Variants in CDH13 observed in about 807,000 individuals in gnomAD.
CDH13 encodes the protein cadherin-13.
CDH13 carries 24 observed loss-of-function variants against 63.8 expected under a neutral mutation model. That is an observed-to-expected ratio of 0.38 (90% confidence interval 0.27 to 0.53). The LOEUF (loss-of-function observed/expected upper bound fraction) is 0.53, where lower values mean the gene tolerates loss of function less well. Ranked by LOEUF, CDH13 falls within the 20% of genes least tolerant of loss-of-function variation. CDH13 has a pLI of 0.85. For missense variants in CDH13, 1,049 were observed against 903.1 expected (o/e 1.16, Z -2.07); for synonymous variants, 503 against 355.3 (o/e 1.42, Z -4.67).
intron 3 of CDH13, among the ~76,000 whole-genome samples, chr16:83,096,738 C>A (rs541230162): frequency 6.6e-6 from 1 of 152,128 alleles, no homozygotes; most frequent in East Asian, 1.9e-4. Flanking sequence ...ACAATACTGT[C>A]GTAATTATGT....
intron 2 of CDH13, among the ~76,000 whole-genome samples, chr16:83,014,764 A>ATTTG (rs1567745636): frequency 5.9e-5 from 3 of 51,154 alleles, no homozygotes; most frequent in South Asian, 5.7e-4. Context: ...ATATATATAT[A>ATTTG]TATATATATA....
intron 1 of CDH13, chr16:82,705,077 A>G (rs548300732): frequency 1.4e-4 from 64 of 454,848 alleles, no homozygotes; most frequent in Non-Finnish European, 2.4e-4. Context: ...AGTGAGGCCT[A>G]CCATATACCT....
intron 2 of CDH13, among the ~76,000 whole-genome samples, chr16:82,961,493 T>C (rs1253714840): frequency 6.6e-6 from 1 of 150,444 alleles, no homozygotes; most frequent in African/African-American, 2.5e-5. Context: ...CTTCCTGCAA[T>C]TGAACAAACT....
intron 11 of CDH13, among the ~76,000 whole-genome samples, chr16:83,762,556 G>T (rs1253937292): frequency 6.6e-6 from 1 of 152,182 alleles, no homozygotes; most frequent in Non-Finnish European, 1.5e-5. Flanking sequence ...TCACCAGAAA[G>T]GTCAAATGTT....
chr16:83,705,787 T>C (rs986505302), intron 10 of CDH13, among the ~76,000 whole-genome samples: 7 of 152,318 alleles, frequency 4.6e-5, no homozygotes, highest in Non-Finnish European at 8.8e-5. Context: ...CATCTGACTC[T>C]CAGGAGAAGA....
In CDH13 at chr16:83,646,712, A is replaced by AAAAAAAACAC. The variant is rs1168012793; in HGVS notation, c.1102-24077_1102-24076insAAAAAACACA. On this transcript the variant is annotated intron_variant, in intron 8 of 13. Transcript: ENST00000567109. ...CGTCTCAAAAAAAAAAAAAAAAAAA[A>AAAAAAAACAC]ACACACACACACACACACACACACA... Among the ~76,000 whole-genome samples, 59 of 80,518 alleles carry AAAAAAAACAC rather than the reference A, an allele frequency of 7.3e-4. 4 individuals carry two copies. Among genetic ancestry groups the AAAAAAAACAC allele is most frequent in the East Asian group, 5.0e-3 (11 of 2,190 alleles). The allele number at this position is 80,518 out of a possible 152,430, so 52.8% of individuals were successfully genotyped here. A position where few individuals can be genotyped will look rare whatever the true frequency, so the allele number is the denominator to read the frequency against.
chr16:83,086,023 G>C (rs2033571806), intron 3 of CDH13, among the ~76,000 whole-genome samples: 1 of 152,198 alleles, frequency 6.6e-6, no homozygotes, highest in Non-Finnish European at 1.5e-5. Flanking sequence ...CTACAGCTAA[G>C]GCAGGTGTAC....
At chr16:82,675,510 A>G (rs545448654) in intron 1 of CDH13, among the ~76,000 whole-genome samples, 2 of 152,320 alleles carry the variant, frequency 1.3e-5, no homozygotes, top group South Asian at 4.1e-4. Context: ...TAGGAAAAGA[A>G]TTTGACTCCT....
intron 1 of CDH13, among the ~76,000 whole-genome samples, chr16:82,649,658 C>T (rs900197597): frequency 6.6e-6 from 1 of 151,712 alleles, no homozygotes; most frequent in Non-Finnish European, 1.5e-5. Context: ...GGAAGAGATC[C>T]AACAATAGGA....
At position 83,566,143 on chromosome 16, in the gene CDH13, C is replaced by G. The variant is rs185371923; in HGVS notation, c.961-36311C>G. Among the ~76,000 whole-genome samples, 3 of 152,158 alleles carry G rather than the reference C, an allele frequency of 2.0e-5. No homozygotes were observed. The South Asian group carries it at 6.2e-4, about 32-fold the overall frequency. ...TATGTTGGGCTCTAAATTGGCCTGA[C>G]AGTACCACAGTCCTCTTCCAATTTC... On this transcript the variant is annotated intron_variant, in intron 7 of 13. Transcript: ENST00000567109.
chr16:83,570,972 A>ATATATATATATATATATAT (rs57638289), intron 7 of CDH13, among the ~76,000 whole-genome samples: 31 of 109,552 alleles, frequency 2.8e-4, no homozygotes, highest in Admixed American at 1.6e-3. Context: ...TATATATATA[A>ATATATATATATATATATAT]AAACCTTCTG....
chr16:83,054,077 G>A (rs2030671190), intron 3 of CDH13, among the ~76,000 whole-genome samples: 2 of 152,082 alleles, frequency 1.3e-5, no homozygotes, highest in Admixed American at 1.3e-4. Flanking sequence ...ATACTGTACG[G>A]GTTTATAGCC....
Position 83,211,765 on chromosome 16 carries a change from C to A in CDH13, c.484-5580C>A, listed in dbSNP as rs141952269. On this transcript the variant is annotated intron_variant, in intron 4 of 13. Transcript: ENST00000567109. ...GCTATGCGACGCCCACCTCCCCCCC[C>A]CAAACAGCCAGCCAGGAAGTCTCTT... 2.0e-3 allele frequency among the ~76,000 whole-genome samples: 308 copies of A among 152,106 alleles called. 1 individual carries two copies. Among genetic ancestry groups the A allele is most frequent in the Middle Eastern group, 0.017 (5 of 294 alleles).
At chr16:83,411,821 A>G (rs556690169) in intron 6 of CDH13, among the ~76,000 whole-genome samples, 116 of 152,344 alleles carry the variant, frequency 7.6e-4, no homozygotes, top group African/African-American at 2.7e-3. Context: ...AGCATCTCAT[A>G]TGTGTACTGG....
intron 6 of CDH13, among the ~76,000 whole-genome samples, chr16:83,409,925 T>G (rs2092102183): frequency 6.6e-6 from 1 of 152,264 alleles, no homozygotes; most frequent in Non-Finnish European, 1.5e-5. Flanking sequence ...AATTTCTGAA[T>G]TACAAGCTGA....
At chr16:83,434,533 A>T (rs971001252) in intron 6 of CDH13, among the ~76,000 whole-genome samples, 6 of 151,918 alleles carry the variant, frequency 3.9e-5, no homozygotes, top group Admixed American at 6.6e-5. Flanking sequence ...ACATGCTGAA[A>T]AATCTAACCT....
At chr16:82,787,793 G>A (rs568265761) in intron 1 of CDH13, among the ~76,000 whole-genome samples, 7 of 140,042 alleles carry the variant, frequency 5.0e-5, no homozygotes, top group African/African-American at 1.0e-4. Flanking sequence ...GAAAAGTTAC[G>A]AATTAAGTTG....
chr16:83,168,328 T>C (rs1402945926), intron 4 of CDH13, among the ~76,000 whole-genome samples: 2 of 152,030 alleles, frequency 1.3e-5, no homozygotes, highest in Non-Finnish European at 2.9e-5. Flanking sequence ...ATAATATAGA[T>C]ATTTACACAC....
chr16:83,572,790 C>G (rs753815698), intron 7 of CDH13, among the ~76,000 whole-genome samples: 5 of 152,206 alleles, frequency 3.3e-5, no homozygotes, highest in Non-Finnish European at 7.3e-5. Flanking sequence ...CATCATTTCT[C>G]CTATAAATTT....
Sources: allele counts gnomAD v4.1 joint callset (sites outside exome capture counted in the v4.1 genomes callset), GRCh38; gene constraint gnomAD v4.1.1; transcripts MANE v1.5; gene names NCBI Gene and HGNC (gene_info 2026-07-23, HGNC 2026-07-21).